Variants in KYAT1 observed in about 807,000 individuals in gnomAD.
KYAT1 encodes kynurenine aminotransferase 1.
Under a neutral mutation model 52.4 loss-of-function variants are expected in KYAT1, and 47 were observed. The observed-to-expected ratio is 0.90, with a 90% CI of 0.71 to 1.14. The LOEUF (loss-of-function observed/expected upper bound fraction) is 1.14. Ranked by LOEUF, KYAT1 falls within the 50% of genes most tolerant of loss-of-function variation. KYAT1 has a pLI of 0.00. For missense variants in KYAT1, 480 were observed against 557.9 expected, an observed-to-expected ratio of 0.86 and a Z score of 1.41; for synonymous variants, 212 against 209.6, an observed-to-expected ratio of 1.01 and a Z score of -0.10.
intron 1 of KYAT1, among the ~76,000 whole-genome samples, 177 bp downstream of exon 1, chr9:128,881,720 C>G (rs1838946212): frequency 6.6e-6 from 1 of 152,194 alleles, no homozygotes; most frequent in African/African-American, 2.4e-5. Context: ...AATCAGCGAG[C>G]AGCACGCGCA....
chr9:128,876,792 T>C (rs1368225728), intron 1 of KYAT1, among the ~76,000 whole-genome samples: 1 of 145,976 alleles, frequency 6.9e-6, no homozygotes, highest in Non-Finnish European at 1.5e-5. Context: ...AGTGGCACAA[T>C]CTTGGCTCAC....
At position 128,863,181 on chromosome 9, in the gene KYAT1, C is replaced by A. The variant is rs55699630; in HGVS notation, c.-6-17770G>T. Reference sequence around the variant, plus strand: ...AGGGTAGGTCTGTTCTATTACCACACCCAGGATCAGGCCCCAAGTAGACAC... The same window carrying A: ...AGGGTAGGTCTGTTCTATTACCACAACCAGGATCAGGCCCCAAGTAGACAC... On this transcript the variant is annotated intron_variant, in intron 1 of 12. Coordinates refer to ENST00000302586, the MANE Select transcript of KYAT1 (RefSeq NM_004059.5). Among the ~76,000 whole-genome samples the A allele has an allele frequency of 4.9e-3, 739 of 152,056 alleles. 6 individuals are homozygous for A. The highest frequency in any genetic ancestry group is 0.017 in the African/African-American group (699 of 41,478).
At chr9:128,838,510 G>A in intron 3 of KYAT1, 143 bp from the exon 4 acceptor site, 1 of 816,444 alleles carries the variant, frequency 1.2e-6, no homozygotes, top group Non-Finnish European at 2.0e-6. Context: ...AGGGGACGTG[G>A]AATAGATCAG....
intron 8 of KYAT1, 56 bp from the exon 9 acceptor site, chr9:128,835,924 C>T (rs1831000280): frequency 6.2e-7 from 1 of 1,605,634 alleles, no homozygotes; most frequent in Admixed American, 1.7e-5. Context: ...CTAAAGCCTT[C>T]TTCATTCTCA....
At position 128,835,306 on chromosome 9, in the gene KYAT1, G is replaced by T. The variant is rs1361322775; in HGVS notation, c.1122+17C>A. ...CTGTGAAACCATACATGGCTGCCTG[G>T]CAGAGGCCCAGCCCACCTTGTTCTT... On this transcript the variant is annotated intron_variant, in intron 11 of 12. Transcript: ENST00000302586. The T allele has an allele frequency of 6.2e-7, 1 of 1,607,636 alleles. No individual in the cohort carries two copies. The highest frequency in any genetic ancestry group is 8.5e-7 in the Non-Finnish European group (1 of 1,174,536).
chr9:128,861,075 G>T (rs546121075), intron 1 of KYAT1, among the ~76,000 whole-genome samples: 10 of 152,352 alleles, frequency 6.6e-5, no homozygotes, highest in Admixed American at 6.5e-5. Flanking sequence ...CTTGGTGCAA[G>T]GTTCTCACAA....
rs2130795204 is a variant in KYAT1, at chr9:128,871,598, G to A, written c.-7+10299C>T. On this transcript the variant is annotated intron_variant, in intron 1 of 12. Coordinates refer to ENST00000302586, the MANE Select transcript of KYAT1 (RefSeq NM_004059.5). ...GTGGTGGTGCATGCCTGTGGTCCCAGCTACTCAGGAGGCTCAGCTGGGAGT... is the reference window on the plus strand; with the variant it reads ...GTGGTGGTGCATGCCTGTGGTCCCAACTACTCAGGAGGCTCAGCTGGGAGT... Among the ~76,000 whole-genome samples the A allele has an allele frequency of 1.3e-5, 2 of 152,172 alleles. 1 individual carries two copies. The highest frequency in any genetic ancestry group is 4.2e-4 in the South Asian group (2 of 4,818).
intron 1 of KYAT1, among the ~76,000 whole-genome samples, chr9:128,881,398 T>C (rs758209510): frequency 6.6e-6 from 1 of 152,220 alleles, no homozygotes; most frequent in Non-Finnish European, 1.5e-5. Flanking sequence ...GTTTTTACTG[T>C]TGTTTCCTTT....
At chr9:128,862,117 G>T (rs1190493601) in intron 1 of KYAT1, among the ~76,000 whole-genome samples, 1 of 152,062 alleles carries the variant, frequency 6.6e-6, no homozygotes, top group Admixed American at 6.6e-5. Flanking sequence ...TTTTTTTCCT[G>T]AAGTGACAAC....
chr9:128,864,762 C>T (rs1468454995), intron 1 of KYAT1, among the ~76,000 whole-genome samples: 1 of 151,950 alleles, frequency 6.6e-6, no homozygotes, highest in Non-Finnish European at 1.5e-5. Context: ...TTGTGCACCA[C>T]CATGTCCAGC....
At chr9:128,860,015 C>T (rs967504377) in intron 1 of KYAT1, 1 of 152,142 alleles carries the variant, frequency 6.6e-6, no homozygotes, top group Non-Finnish European at 1.5e-5. Context: ...GTGGCTCAGT[C>T]CAAGTCTGCA....
At chr9:128,871,188 C>T (rs1416670242) in intron 1 of KYAT1, among the ~76,000 whole-genome samples, 3 of 151,688 alleles carry the variant, frequency 2.0e-5, no homozygotes, top group East Asian at 2.0e-4. Context: ...CACGGTGGTA[C>T]GTGTCTGTAG....
At chr9:128,876,990 C>A (rs1281973789) in intron 1 of KYAT1, among the ~76,000 whole-genome samples, 1 of 152,032 alleles carries the variant, frequency 6.6e-6, no homozygotes, top group Non-Finnish European at 1.5e-5. Context: ...CCTCTGCCTC[C>A]CGGGTTCAAG....
intron 1 of KYAT1, among the ~76,000 whole-genome samples, chr9:128,849,066 G>A (rs562094198): frequency 1.7e-4 from 25 of 151,470 alleles, no homozygotes; most frequent in African/African-American, 5.3e-4. Context: ...AGTGAGCCAA[G>A]ATCGTGCCAC....
intron 2 of KYAT1, 34 bp downstream of exon 2, chr9:128,845,319 A>T (rs1278608893): frequency 6.2e-7 from 1 of 1,601,964 alleles, no homozygotes; most frequent in Non-Finnish European, 8.5e-7. Context: ...GCCCGAGGGG[A>T]CACCCACACA....
intron 1 of KYAT1, among the ~76,000 whole-genome samples, chr9:128,856,907 G>A (rs180673460): frequency 6.6e-6 from 1 of 152,330 alleles, no homozygotes; most frequent in Admixed American, 6.5e-5. Context: ...AGGTAGATTA[G>A]TAAAAGAGGA....
At chr9:128,848,707 A>G (rs1833474820) in intron 1 of KYAT1, among the ~76,000 whole-genome samples, 1 of 151,658 alleles carries the variant, frequency 6.6e-6, no homozygotes, top group Non-Finnish European at 1.5e-5. Context: ...AATCCCAGTT[A>G]CTGGGAGGCT....
chr9:128,841,362 G>T (rs986914105), intron 3 of KYAT1, among the ~76,000 whole-genome samples: 26 of 152,124 alleles, frequency 1.7e-4, no homozygotes, highest in Admixed American at 1.6e-3. Flanking sequence ...AATTAGCTGG[G>T]CATGGTGGCG....
chr9:128,861,514 G>A (rs1477542545), intron 1 of KYAT1, among the ~76,000 whole-genome samples: 1 of 152,170 alleles, frequency 6.6e-6, no homozygotes, highest in Non-Finnish European at 1.5e-5. Flanking sequence ...ACCCAGTCTT[G>A]CGCAGTTCTT....
Sources: allele counts gnomAD v4.1 joint callset (sites outside exome capture counted in the v4.1 genomes callset), GRCh38; gene constraint gnomAD v4.1.1; transcripts MANE v1.5; gene names NCBI Gene and HGNC (gene_info 2026-07-23, HGNC 2026-07-21).